EPHA3: variants seen among roughly 807,000 people sequenced by gnomAD.
EPHA3 encodes EPH receptor A3.
EPHA3 carries 42 observed loss-of-function variants against 107.1 expected under a neutral mutation model. The ratio of observed to expected loss-of-function variants is 0.39; its 90% CI spans 0.31 to 0.51. The LOEUF (loss-of-function observed/expected upper bound fraction) is 0.51. Among genes scored for constraint, EPHA3 ranks in the 20% least tolerant of loss-of-function variants. EPHA3 has a pLI of 0.78. For synonymous variants in EPHA3, 461 were observed against 424.8 expected, an observed-to-expected ratio of 1.09 and a Z score of -1.05; for missense variants, 1,183 against 1,211.2, an observed-to-expected ratio of 0.98 and a Z score of 0.35.
chr3:89,431,880 C>T (rs1576374804), intron 13 of EPHA3, among the ~76,000 whole-genome samples: 1 of 152,082 alleles, frequency 6.6e-6, no homozygotes, highest in Non-Finnish European at 1.5e-5. Flanking sequence ...TTTCTTCATA[C>T]TCATATGTAC....
chr3:89,296,508 G>C (rs1706356651), intron 3 of EPHA3, among the ~76,000 whole-genome samples: 1 of 152,106 alleles, frequency 6.6e-6, no homozygotes, highest in Non-Finnish European at 1.5e-5. Context: ...CTCAATAGTG[G>C]GCTTGAAATA....
At chr3:89,468,128 C>A (rs556007532) in intron 15 of EPHA3, among the ~76,000 whole-genome samples, 3 of 152,258 alleles carry the variant, frequency 2.0e-5, no homozygotes, top group African/African-American at 7.2e-5. Context: ...GATAAACTCT[C>A]CAGATGTCCT....
At chr3:89,153,943 G>A (rs922522423) in intron 2 of EPHA3, among the ~76,000 whole-genome samples, 2 of 152,002 alleles carry the variant, frequency 1.3e-5, no homozygotes, top group Admixed American at 6.6e-5. Context: ...TGTCCACGGT[G>A]TCTATGAACA....
Position 89,429,179 on chromosome 3 carries a change from G to A in EPHA3, c.2136+12G>A, listed in dbSNP as rs781490277. On this transcript the variant is annotated intron_variant, in intron 12 of 16. Transcript: ENST00000336596. The stretch of plus-strand genomic sequence containing the variant: ...ATAGTTTCCTACGTGTAAGTAAGAT[G>A]CACACACATACATATATATGAATAA... 1 of 1,596,622 alleles carries A rather than the reference G, an allele frequency of 6.3e-7. No homozygotes were observed.
At chr3:89,325,392 C>T (rs1334778562) in intron 3 of EPHA3, among the ~76,000 whole-genome samples, 1 of 152,174 alleles carries the variant, frequency 6.6e-6, no homozygotes, top group Admixed American at 6.6e-5. Context: ...CCGATAGAAG[C>T]AAGCATAATC....
intron 16 of EPHA3, among the ~76,000 whole-genome samples, chr3:89,477,804 G>GTTGGCTT (rs1275814706): frequency 6.6e-6 from 1 of 151,552 alleles, no homozygotes; most frequent in East Asian, 1.9e-4. Flanking sequence ...CCATTGTTTA[G>GTTGGCTT]GTTGCTGTTG....
At position 89,396,729 on chromosome 3, in the gene EPHA3, T is replaced by A. The variant is rs1708857864; in HGVS notation, c.1431+768T>A. 8.5e-5 allele frequency among the ~76,000 whole-genome samples: 13 copies of A among 152,320 alleles called. No homozygotes were observed. In the South Asian group the frequency reaches 2.7e-3, roughly 32 times the overall value. Reference sequence around the variant, plus strand: ...GTTTCACAACTACTAACATGAACACTACATATTTGTGTATCTACTTCAGTT... The same window carrying A: ...GTTTCACAACTACTAACATGAACACAACATATTTGTGTATCTACTTCAGTT... On this transcript the variant is annotated intron_variant, in intron 6 of 16. Transcript: ENST00000336596.
chr3:89,208,712 CAATAATATAA>C (rs1186939770), intron 2 of EPHA3, among the ~76,000 whole-genome samples: 5 of 151,876 alleles, frequency 3.3e-5, no homozygotes, highest in African/African-American at 1.2e-4. Context: ...TTTACATTGA[CAATAATATAA>C]TATGTGGAAA....
chr3:89,369,913 C>T (rs373190466), intron 5 of EPHA3, among the ~76,000 whole-genome samples: 4 of 150,438 alleles, frequency 2.7e-5, no homozygotes, highest in East Asian at 1.9e-4. Flanking sequence ...AAAATGCTCA[C>T]CATCACTGGC....
At chr3:89,219,688 G>GTGTTTTTTTTTGTTTGTTT in intron 3 of EPHA3, among the ~76,000 whole-genome samples, 1 of 34,440 alleles carries the variant, frequency 2.9e-5, no homozygotes, top group Admixed American at 4.0e-4. Flanking sequence ...ATTTGGCAAT[G>GTGTTTTTTTTTGTTTGTTT]TTTTTTTTTT....
chr3:89,155,355 A>T (rs186298312), intron 2 of EPHA3, among the ~76,000 whole-genome samples: 2 of 152,202 alleles, frequency 1.3e-5, no homozygotes, highest in Admixed American at 1.3e-4. Flanking sequence ...TATTAATAAG[A>T]CTATCAAGTA....
chr3:89,148,762 C>T (rs1256967139), intron 2 of EPHA3, among the ~76,000 whole-genome samples: 1 of 151,918 alleles, frequency 6.6e-6, no homozygotes, highest in Non-Finnish European at 1.5e-5. Flanking sequence ...CTTATAGAAA[C>T]AACTGGTGAA....
intron 3 of EPHA3, among the ~76,000 whole-genome samples, chr3:89,291,875 C>T (rs1706214215): frequency 6.6e-6 from 1 of 152,152 alleles, no homozygotes. Flanking sequence ...ATGATCCTTA[C>T]TCTACTTTTC....
chr3:89,117,787 G>A (rs1189602564), intron 1 of EPHA3, among the ~76,000 whole-genome samples: 1 of 151,840 alleles, frequency 6.6e-6, no homozygotes, highest in Non-Finnish European at 1.5e-5. Flanking sequence ...ATCTAATCTT[G>A]TTCATTTTCC....
chr3:89,173,595 A>C (rs1020280436), intron 2 of EPHA3, among the ~76,000 whole-genome samples: 1 of 152,098 alleles, frequency 6.6e-6, no homozygotes, highest in Admixed American at 6.5e-5. Context: ...TAAAATCAAT[A>C]ATTCTAAAAG....
intron 2 of EPHA3, among the ~76,000 whole-genome samples, chr3:89,159,922 T>A (rs1040834388): frequency 4.6e-5 from 7 of 152,056 alleles, no homozygotes; most frequent in African/African-American, 1.7e-4. Context: ...CTTTGCTTCC[T>A]TCCTTCCTTC....
intron 3 of EPHA3, among the ~76,000 whole-genome samples, chr3:89,244,981 A>G (rs1031597124): frequency 2.6e-5 from 4 of 152,242 alleles, no homozygotes; most frequent in African/African-American, 9.6e-5. Context: ...ACTCAGGTCA[A>G]TCTGAATTAT....
chr3:89,388,045 CA>C (rs1457537850), intron 5 of EPHA3, among the ~76,000 whole-genome samples: 1 of 152,036 alleles, frequency 6.6e-6, no homozygotes, highest in Admixed American at 6.6e-5. Context: ...ATTTTTCTCC[CA>C]GCACAATTAA....
chr3:89,219,689 T>TGTTTTTTTTTGTTTTTTTTTG (rs1265976438), intron 3 of EPHA3, among the ~76,000 whole-genome samples: 2 of 16,628 alleles, frequency 1.2e-4, no homozygotes, highest in East Asian at 1.2e-3. Flanking sequence ...TTTGGCAATG[T>TGTTTTTTTTTGTTTTTTTTTG]TTTTTTTTTT....
Sources: gnomAD v4.1 joint callset for allele counts (sites outside exome capture counted in the v4.1 genomes callset) on GRCh38, gnomAD v4.1.1 for gene constraint, MANE v1.5 for transcripts, NCBI Gene and HGNC (gene_info 2026-07-23, HGNC 2026-07-21) for gene names.